The following DOP1A variants were observed in gnomAD, a reference collection of about 807,000 sequenced individuals.
The protein encoded by DOP1A is protein DOP1A.
Under a neutral mutation model 267.6 loss-of-function variants are expected in DOP1A, and 90 were observed. The observed-to-expected ratio is 0.34, with a 90% CI of 0.28 to 0.40. DOP1A has a LOEUF of 0.40. Ranked by LOEUF, DOP1A falls within the 10% of genes least tolerant of loss-of-function variation. DOP1A has a pLI of 1.00. For missense variants in DOP1A, 2,437 were observed against 2,900.4 expected (o/e 0.84, Z 3.67); for synonymous variants, 932 against 999.1 (o/e 0.93, Z 1.27).
rs757358580 is a variant in DOP1A, at chr6:83,167,929, T to C, written c.7160T>C (p.Ile2387Thr). 2 of 1,614,182 alleles carry C rather than the reference T, an allele frequency of 1.2e-6. No individual in the cohort carries two copies. Among genetic ancestry groups the C allele is most frequent in the African/African-American group, 1.3e-5 (1 of 75,064 alleles). Residue 2387 changes from isoleucine to threonine, a missense_variant, in exon 39 of 39, where the codon ATC becomes ACC. This residue lies in a region of DOP1A where 197 missense variants were observed against 246.5 expected (regional missense o/e 0.80). Coordinates refer to ENST00000349129, the MANE Select transcript of DOP1A (RefSeq NM_015018.4). ...GWEPGHLLLTICTVRSMEQLL... is the reference protein window; with the variant it reads ...GWEPGHLLLTTCTVRSMEQLL... ...GAGCCAGGGCACTTGCTGCTCACCA[T>C]CTGCACCGTGCGCAGTATGGAGCAG...
chr6:83,080,436 C>G (rs765723955), intron 1 of DOP1A, among the ~76,000 whole-genome samples: 1 of 152,152 alleles, frequency 6.6e-6, no homozygotes, highest in Non-Finnish European at 1.5e-5. Flanking sequence ...ATTTTGTCCC[C>G]TCATAACTAA....
chr6:83,138,943 TCA>T lies in DOP1A; in HGVS notation c.4904_4905del (p.Thr1635MetfsTer20). Reference sequence around the variant, plus strand: ...CTTCAGTATTTGCATGCTCAGCCAATCACATGTCAAGGCATGTTCCTCTGTGC... The same window carrying T: ...CTTCAGTATTTGCATGCTCAGCCAATCATGTCAAGGCATGTTCCTCTGTGC... On this transcript the variant is annotated frameshift_variant, in exon 21 of 39. Coordinates refer to ENST00000349129, the MANE Select transcript of DOP1A (RefSeq NM_015018.4). LOFTEE classifies it high-confidence loss of function. 1 of 1,614,090 alleles carries T rather than the reference TCA, an allele frequency of 6.2e-7. No individual in the cohort carries two copies. The highest frequency in any genetic ancestry group is 8.5e-7 in the Non-Finnish European group (1 of 1,179,968).
chr6:83,101,779 A>G (rs1181024511), intron 4 of DOP1A, among the ~76,000 whole-genome samples: 1 of 152,206 alleles, frequency 6.6e-6, no homozygotes, highest in African/African-American at 2.4e-5. Flanking sequence ...AAGATACACA[A>G]CATGATGTGA....
chr6:83,134,127 T>C, intron 18 of DOP1A, 60 bp from the exon 19 acceptor site: 1 of 1,453,544 alleles, frequency 6.9e-7, no homozygotes, highest in South Asian at 1.2e-5. Flanking sequence ...CTGATTTTAC[T>C]AAAATCATAG....
At position 83,085,755 on chromosome 6, in the gene DOP1A, C is replaced by T. The variant is rs541541185; in HGVS notation, c.-146-10976C>T. The stretch of plus-strand genomic sequence containing the variant: ...GACCAGGACAAGCTTTGAGGAAAAC[C>T]ATTGATGGGTTTTTTGCGGTATTTT... On this transcript the variant is annotated intron_variant, in intron 1 of 38. Coordinates refer to ENST00000349129, the MANE Select transcript of DOP1A (RefSeq NM_015018.4). Among the ~76,000 whole-genome samples the T allele has an allele frequency of 5.3e-5, 8 of 151,280 alleles. No individual in the cohort carries two copies. The South Asian group carries it at 1.7e-3, about 32-fold the overall frequency.
At chr6:83,104,351 T>A (rs1285265020) in intron 4 of DOP1A, among the ~76,000 whole-genome samples, 3 of 152,138 alleles carry the variant, frequency 2.0e-5, no homozygotes, top group Non-Finnish European at 4.4e-5. Flanking sequence ...TTTGTCTTAT[T>A]TCTCACTCCA....
rs531701326 is a variant in DOP1A, at chr6:83,140,066, C to T, written c.5187C>T (p.Ala1729=). 6.2e-7 allele frequency: 1 copy of T among 1,613,634 alleles called. No individual in the cohort carries two copies. Among genetic ancestry groups the T allele is most frequent in the East Asian group, 2.2e-5 (1 of 44,842 alleles). ...MILTLLEGIT[A]IIHYCLLDPT... Reference sequence around the variant, plus strand: ...TTACTCTTTTGGAAGGGATTACAGCCATTATCCATTACTGTTTGTTGGATC... The same window carrying T: ...TTACTCTTTTGGAAGGGATTACAGCTATTATCCATTACTGTTTGTTGGATC... The change falls in exon 22 of 39, where the codon GCC becomes GCT. Residue 1729 remains alanine (A), a synonymous_variant. Coordinates refer to ENST00000349129, the MANE Select transcript of DOP1A (RefSeq NM_015018.4).
chr6:83,113,477 T>C, intron 7 of DOP1A, 56 bp downstream of exon 7: 1 of 1,379,724 alleles, frequency 7.2e-7, no homozygotes, highest in Non-Finnish European at 1.0e-6. Flanking sequence ...TGTAGATTGA[T>C]AATGTGTAGT....
Position 83,159,635 on chromosome 6 carries a change from AT to A in DOP1A, c.6798-158del, listed in dbSNP as rs1783761700. 5.4e-5 allele frequency: 43 copies of A among 797,492 alleles called. 1 individual carries two copies. The highest frequency in any genetic ancestry group is 4.9e-4 in the South Asian group (28 of 56,596). The allele number at this position is 797,492 out of a possible 1,614,324, so 49.4% of individuals were successfully genotyped here. A position where few individuals can be genotyped will look rare whatever the true frequency, so the allele number is the denominator to read the frequency against. On this transcript the variant is annotated intron_variant, in intron 36 of 38. Coordinates refer to ENST00000349129, the MANE Select transcript of DOP1A (RefSeq NM_015018.4). ...CTCAAAGAAGAAAAGTGAATTTTTGATTTGAAAACAGTGACATTTCATCATG... is the reference window on the plus strand; with the variant it reads ...CTCAAAGAAGAAAAGTGAATTTTTGATTGAAAACAGTGACATTTCATCATG...
At chr6:83,140,954 T>G (rs1779551745) in intron 23 of DOP1A, among the ~76,000 whole-genome samples, 1 of 152,156 alleles carries the variant, frequency 6.6e-6, no homozygotes, top group African/African-American at 2.4e-5. Flanking sequence ...TAGAGAGCTT[T>G]AAAGGTTTCA....
At chr6:83,151,848 G>A in intron 28 of DOP1A, 35 bp from the exon 29 acceptor site, 1 of 1,604,028 alleles carries the variant, frequency 6.2e-7, no homozygotes, top group Non-Finnish European at 8.5e-7. Flanking sequence ...GTGCATGTGT[G>A]TACCATACAT....
intron 4 of DOP1A, among the ~76,000 whole-genome samples, chr6:83,108,443 G>T (rs1164151582): frequency 1.3e-5 from 2 of 152,180 alleles, no homozygotes; most frequent in African/African-American, 2.4e-5. Flanking sequence ...CTTCCAAAGT[G>T]CTTGGATTAC....
intron 25 of DOP1A, 70 bp downstream of exon 25, chr6:83,145,728 T>C: frequency 6.6e-7 from 1 of 1,512,086 alleles, no homozygotes; most frequent in South Asian, 1.2e-5. Flanking sequence ...AGATTTTTTT[T>C]TGTACAATAA....
At chr6:83,113,448 T>C in intron 7 of DOP1A, 27 bp downstream of exon 7, 3 of 1,576,548 alleles carry the variant, frequency 1.9e-6, no homozygotes, top group Non-Finnish European at 2.6e-6. Context: ...GATGTTATTA[T>C]AAGGCATTCT....
At chr6:83,157,529 G>A (rs1783065512) in intron 35 of DOP1A, among the ~76,000 whole-genome samples, 1 of 152,172 alleles carries the variant, frequency 6.6e-6, no homozygotes, top group Non-Finnish European at 1.5e-5. Flanking sequence ...TAGATGGATG[G>A]CCAGCTCCTT....
At chr6:83,153,336 T>C (rs1365491746) in intron 30 of DOP1A, 175 bp from the exon 31 acceptor site, 2 of 446,320 alleles carry the variant, frequency 4.5e-6, no homozygotes, top group East Asian at 7.5e-5. Flanking sequence ...AGTAACAATG[T>C]ACAAAAAAGC....
chr6:83,124,044 A>G (rs191042968), intron 12 of DOP1A, among the ~76,000 whole-genome samples: 2 of 152,152 alleles, frequency 1.3e-5, no homozygotes, highest in Non-Finnish European at 2.9e-5. Flanking sequence ...CCTTTCCTCA[A>G]ATAGCCTATC....
chr6:83,115,020 C>G (rs1042496286), intron 7 of DOP1A, among the ~76,000 whole-genome samples: 1 of 152,084 alleles, frequency 6.6e-6, no homozygotes, highest in African/African-American at 2.4e-5. Flanking sequence ...AGAATACAAT[C>G]CAAGTATGGA....
Position 83,069,347 on chromosome 6 carries a change from G to C in DOP1A, c.-147+1568G>C, listed in dbSNP as rs527285302. ...AGGTTTAACTTTTTTGCTTATAAAG[G>C]CAGGACTCTTCAAAACCTTTACTGT... is the stretch of plus-strand genomic sequence containing the variant. On this transcript the variant is annotated intron_variant, in intron 1 of 38. Transcript: ENST00000349129. Among the ~76,000 whole-genome samples the C allele has an allele frequency of 9.9e-5, 15 of 152,232 alleles. 1 individual carries two copies. The South Asian group carries it at 2.9e-3, about 29-fold the overall frequency.
Sources: gnomAD v4.1 joint callset for allele counts (sites outside exome capture counted in the v4.1 genomes callset) on GRCh38, gnomAD v4.1.1 for gene constraint, gnomAD v4.1.1 regional missense constraint, MANE v1.5 for transcripts, NCBI Gene and HGNC (gene_info 2026-07-23, HGNC 2026-07-21) for gene names.